Variants in CFTR observed in about 807,000 individuals in gnomAD.
CFTR encodes the protein cystic fibrosis transmembrane conductance regulator.
In CFTR, 181 loss-of-function variants were observed where a neutral mutation model predicts 171.6. That is an observed-to-expected ratio of 1.05 (90% CI 0.93 to 1.19). The LOEUF is 1.19. Among genes scored for constraint, CFTR ranks in the 50% most tolerant of loss-of-function variants. The probability of loss-of-function intolerance (pLI) is 0.00; values close to 1 mark genes in which losing one functional copy is unlikely to be tolerated. For missense variants in CFTR, 1,968 were observed against 1,734.7 expected, an observed-to-expected ratio of 1.13 and a Z score of -2.39; for synonymous variants, 583 against 608.0, an observed-to-expected ratio of 0.96 and a Z score of 0.60.
intron 1 of CFTR, among the ~76,000 whole-genome samples, chr7:117,494,210 A>G (rs1283194630): frequency 6.6e-6 from 1 of 152,152 alleles, no homozygotes; most frequent in Admixed American, 6.6e-5. Context: ...GTGAAGAAAC[A>G]AAAATCCCCA....
chr7:117,543,054 A>C (rs1028098471), intron 9 of CFTR, among the ~76,000 whole-genome samples: 9 of 152,228 alleles, frequency 5.9e-5, no homozygotes, highest in African/African-American at 2.2e-4. Context: ...AATATTATCA[A>C]TGATTTTTAG....
chr7:117,596,945 A>G (rs1792139525), intron 15 of CFTR, among the ~76,000 whole-genome samples: 1 of 152,116 alleles, frequency 6.6e-6, no homozygotes, highest in Admixed American at 6.5e-5. Flanking sequence ...GGGATTGTAA[A>G]CGCACCAATC....
At chr7:117,647,673 T>A (rs1191865647) in intron 23 of CFTR, among the ~76,000 whole-genome samples, 3 of 135,440 alleles carry the variant, frequency 2.2e-5, no homozygotes, top group African/African-American at 3.2e-5. Context: ...TACCACCAGC[T>A]AATACCAAAA....
chr7:117,596,373 C>G (rs1792125445), intron 15 of CFTR, among the ~76,000 whole-genome samples: 3 of 152,364 alleles, frequency 2.0e-5, no homozygotes, highest in Admixed American at 2.0e-4. Context: ...GCCTGCCATG[C>G]CTGAGCCTCC....
intron 1 of CFTR, among the ~76,000 whole-genome samples, chr7:117,497,202 G>A (rs1798253608): frequency 1.3e-5 from 2 of 152,158 alleles, no homozygotes; most frequent in African/African-American, 4.8e-5. Context: ...TTTCTCAACT[G>A]TAAGTTGGAG....
At chr7:117,622,248 A>G (rs571899922) in intron 21 of CFTR, among the ~76,000 whole-genome samples, 2 of 152,152 alleles carry the variant, frequency 1.3e-5, no homozygotes, top group Non-Finnish European at 2.9e-5. Context: ...TAAGTAATAG[A>G]TGTGGAAACA....
At position 117,548,697 on chromosome 7, in the gene CFTR, T is replaced by C; in HGVS notation, c.1266T>C (p.Ser422=). 1 of 1,613,470 alleles carries C rather than the reference T, an allele frequency of 6.2e-7. No individual in the cohort carries two copies. Among genetic ancestry groups the C allele is most frequent in the African/African-American group, 1.3e-5 (1 of 75,038 alleles). The change falls in exon 10 of 27, where the codon TCT becomes TCC. Residue 422 remains serine, a synonymous_variant. Coordinates refer to ENST00000003084, the MANE Select transcript of CFTR (RefSeq NM_000492.4). ...AKQNNNNRKT[S]NGDDSLFFSN... is the part of the protein sequence containing the mutation. ...AAAACAATAACAATAGAAAAACTTC[T>C]AATGGTGATGACAGCCTCTTCTTCA...
At chr7:117,662,271 GATAA>G (rs1793303171) in intron 24 of CFTR, among the ~76,000 whole-genome samples, 1 of 152,156 alleles carries the variant, frequency 6.6e-6, no homozygotes, top group Non-Finnish European at 1.5e-5. Flanking sequence ...GTACATATTT[GATAA>G]ATGAATGAAT....
intron 7 of CFTR, among the ~76,000 whole-genome samples, chr7:117,539,377 T>G (rs1372070279): frequency 2.6e-5 from 4 of 152,068 alleles, no homozygotes; most frequent in Non-Finnish European, 4.4e-5. Flanking sequence ...ACTGTCATAA[T>G]TTTTCAAAAC....
intron 22 of CFTR, among the ~76,000 whole-genome samples, chr7:117,638,653 T>C (rs988694456): frequency 4.6e-5 from 7 of 151,748 alleles, no homozygotes; most frequent in African/African-American, 1.7e-4. Context: ...TGAGAATCAC[T>C]TGAACCTGGG....
chr7:117,554,759 G>C (rs1231977933), intron 10 of CFTR, among the ~76,000 whole-genome samples: 2 of 152,166 alleles, frequency 1.3e-5, no homozygotes, highest in Non-Finnish European at 2.9e-5. Flanking sequence ...AAGCAGAAGG[G>C]TGTTATCAAC....
chr7:117,511,592 A>G (rs1798519520), intron 3 of CFTR, among the ~76,000 whole-genome samples: 1 of 152,152 alleles, frequency 6.6e-6, no homozygotes, highest in South Asian at 2.1e-4. Context: ...ATCCTGGGGG[A>G]AGAAGCAGCT....
At chr7:117,487,614 GT>G (rs1398074242) in intron 1 of CFTR, 1 of 152,066 alleles carries the variant, frequency 6.6e-6, no homozygotes, top group East Asian at 1.9e-4. Flanking sequence ...TTTTGAAAAG[GT>G]TATGTATCCT....
chr7:117,493,409 G>A (rs1798192040), intron 1 of CFTR, among the ~76,000 whole-genome samples: 1 of 152,024 alleles, frequency 6.6e-6, no homozygotes, highest in Non-Finnish European at 1.5e-5. Context: ...CAAGGCTTTT[G>A]AGGTAGAGTC....
rs552380078 is a variant in CFTR at position 117,502,938 on chromosome 7, T to A, written c.54-1315T>A. On this transcript the variant is annotated intron_variant, in intron 1 of 26. Coordinates refer to ENST00000003084, the MANE Select transcript of CFTR (RefSeq NM_000492.4). ...GAGCCCTAATTCAGTTAAGTTTTAA[T>A]GAAGGACAAGTTGTAGAGATATCGA... Among the ~76,000 whole-genome samples, 11 of 152,296 alleles carry A rather than the reference T, an allele frequency of 7.2e-5. No individual in the cohort carries two copies. In the East Asian group the frequency reaches 7.7e-4, roughly 11 times the overall value.
chr7:117,513,948 A>G (rs972622892), intron 3 of CFTR, among the ~76,000 whole-genome samples: 1 of 152,126 alleles, frequency 6.6e-6, no homozygotes, highest in Non-Finnish European at 1.5e-5. Flanking sequence ...AGTTCCCATG[A>G]TGCAACTCTG....
rs1421933247 is a variant in CFTR at position 117,606,539 on chromosome 7, C to T, written c.2909-135C>T. 1.6e-5 allele frequency: 10 copies of T among 635,562 alleles called. No individual in the cohort carries two copies. In the East Asian group the frequency reaches 2.2e-4, roughly 14 times the overall value. 39.4% of individuals were successfully genotyped at this position (635,562 alleles called of 1,614,324 possible). ...TGGAAAGAAACAAAAATTTCTAAGTCTATCTGATTCTATTTGCTAATTCTT... is the reference window on the plus strand; with the variant it reads ...TGGAAAGAAACAAAAATTTCTAAGTTTATCTGATTCTATTTGCTAATTCTT... On this transcript the variant is annotated intron_variant, in intron 17 of 26. Transcript: ENST00000003084.
chr7:117,513,235 G>T (rs1798549253), intron 3 of CFTR, among the ~76,000 whole-genome samples: 1 of 152,110 alleles, frequency 6.6e-6, no homozygotes, highest in Non-Finnish European at 1.5e-5. Context: ...TGAGGTTACA[G>T]AAAGAATGGG....
intron 22 of CFTR, among the ~76,000 whole-genome samples, chr7:117,641,295 G>T (rs1445929156): frequency 6.6e-6 from 1 of 152,082 alleles, no homozygotes; most frequent in African/African-American, 2.4e-5. Flanking sequence ...CCCTTCACTG[G>T]TTCTGGTTTA....
Sources: allele counts gnomAD v4.1 joint callset (sites outside exome capture counted in the v4.1 genomes callset), GRCh38; gene constraint gnomAD v4.1.1; transcripts MANE v1.5; gene names NCBI Gene and HGNC (gene_info 2026-07-23, HGNC 2026-07-21).